CXADR: variants seen among roughly 807,000 people sequenced by gnomAD.
CXADR encodes the protein coxsackievirus and adenovirus receptor.
Under a neutral mutation model 40.3 loss-of-function variants are expected in CXADR, and 20 were observed. The observed-to-expected ratio is 0.50, with a 90% CI of 0.35 to 0.72. The LOEUF is 0.72. Ranked by LOEUF, CXADR falls within the 30% of genes least tolerant of loss-of-function variation. CXADR has a pLI of 0.01. For synonymous variants in CXADR, 150 were observed against 161.3 expected (o/e 0.93, Z 0.53); for missense variants, 332 against 449.1 (o/e 0.74, Z 2.36).
downstream of CXADR, among the ~76,000 whole-genome samples, chr21:17,595,448 CCAAA>C (rs2123425254): frequency 6.6e-6 from 1 of 152,024 alleles, no homozygotes; most frequent in African/African-American, 2.4e-5. Flanking sequence ...GCAACTGACA[CCAAA>C]CATTTTTTTA....
chr21:17,581,952 T>C (rs565188647), intron 7 of CXADR, among the ~76,000 whole-genome samples: 2 of 151,746 alleles, frequency 1.3e-5, no homozygotes, highest in East Asian at 3.9e-4. Flanking sequence ...TTTGTTTTGT[T>C]TGTTTTGACG....
At chr21:17,562,194 CAGTG>C (rs35202507) in intron 6 of CXADR, among the ~76,000 whole-genome samples, 27,351 of 152,160 alleles carry the variant, frequency 0.18, 2,570 homozygotes, top group East Asian at 0.23. Flanking sequence ...TCTGAGCCCT[CAGTG>C]AGTCTTAATC....
chr21:17,604,206 G>T, the CXADR span: 2 of 975,812 alleles, frequency 2.0e-6, no homozygotes, highest in Non-Finnish European at 2.7e-6. Flanking sequence ...GCTTTGGGAG[G>T]CCAAGGCGGG....
intron 3 of CXADR, among the ~76,000 whole-genome samples, chr21:17,557,719 A>G (rs1012180897): frequency 1.4e-5 from 2 of 147,296 alleles, no homozygotes; most frequent in Admixed American, 1.4e-4. Flanking sequence ...AAGAAAATAC[A>G]TACTGTAGTA....
rs2061046044 is a variant in CXADR, at chr21:17,557,115, A to G, written c.416-1861A>G. ...TAAAAACCCATTCACGACTGAAAAA[A>G]TGAAAATCAGCTTAAACTAAAAAAG... On this transcript the variant is annotated intron_variant, in intron 3 of 6. Coordinates refer to ENST00000284878, the MANE Select transcript of CXADR (RefSeq NM_001338.5). 4.6e-5 allele frequency among the ~76,000 whole-genome samples: 7 copies of G among 152,226 alleles called. No homozygotes were observed. In the South Asian group the frequency reaches 1.2e-3, roughly 27 times the overall value.
chr21:17,598,238 A>T (rs2061528900), downstream of CXADR, among the ~76,000 whole-genome samples: 1 of 152,196 alleles, frequency 6.6e-6, no homozygotes, highest in African/African-American at 2.4e-5. Flanking sequence ...TTTCTCTTTA[A>T]TCATGGAACG....
At chr21:17,517,020 G>C (rs987147046) in intron 1 of CXADR, among the ~76,000 whole-genome samples, 5 of 152,004 alleles carry the variant, frequency 3.3e-5, no homozygotes, top group African/African-American at 1.2e-4. Context: ...AAATACAAGA[G>C]CTTTGCCTTC....
chr21:17,523,055 G>A (rs574774528), intron 1 of CXADR, among the ~76,000 whole-genome samples: 37 of 152,210 alleles, frequency 2.4e-4, no homozygotes, highest in African/African-American at 8.9e-4. Context: ...CTGTAATCTA[G>A]GTTATACCAT....
intron 3 of CXADR, among the ~76,000 whole-genome samples, chr21:17,554,838 T>G (rs2061013846): frequency 6.6e-6 from 1 of 152,154 alleles, no homozygotes; most frequent in South Asian, 2.1e-4. Context: ...AGTGGCTCTG[T>G]CTAATGCTTT....
downstream of CXADR, chr21:17,593,926 CATATATTTTTTAAGAAAG>C: frequency 1.2e-6 from 1 of 869,568 alleles, no homozygotes; most frequent in Non-Finnish European, 1.7e-6. Flanking sequence ...ATCTAAAGTG[CATATATTTTTTAAGAAAG>C]ATTATTCTCA....
chr21:17,532,164 C>T (rs972404940), intron 1 of CXADR, among the ~76,000 whole-genome samples: 2 of 151,976 alleles, frequency 1.3e-5, no homozygotes, highest in African/African-American at 4.8e-5. Flanking sequence ...AACTCCTGGG[C>T]CTAAGCAGTC....
intron 1 of CXADR, among the ~76,000 whole-genome samples, chr21:17,530,852 T>C (rs1241225740): frequency 1.3e-5 from 2 of 152,148 alleles, no homozygotes; most frequent in Admixed American, 1.3e-4. Context: ...GACATTATCC[T>C]ACATGTGTTT....
chr21:17,530,378 G>A (rs767709586), intron 1 of CXADR: 16 of 452,778 alleles, frequency 3.5e-5, no homozygotes, highest in African/African-American at 2.0e-4. Context: ...TACTTCTCAT[G>A]TTGGTAAGAT....
chr21:17,616,931 A>G, the CXADR span, among the ~76,000 whole-genome samples: 1 of 152,232 alleles, frequency 6.6e-6, no homozygotes, highest in Non-Finnish European at 1.5e-5. Flanking sequence ...AAAATTTGCA[A>G]TCTTCATTAT....
chr21:17,574,653 C>T (rs1215425839), downstream of CXADR, among the ~76,000 whole-genome samples: 1 of 152,112 alleles, frequency 6.6e-6, no homozygotes, highest in Non-Finnish European at 1.5e-5. Context: ...AGTTTTAAGC[C>T]TTAAGGCAGA....
chr21:17,611,782 G>A, the CXADR span: 1 of 152,250 alleles, frequency 6.6e-6, no homozygotes, highest in Admixed American at 6.5e-5. Context: ...CGGCTGCGTG[G>A]ATAAAACCCA....
chr21:17,594,973 C>A (rs2061486084), downstream of CXADR, among the ~76,000 whole-genome samples: 1 of 151,298 alleles, frequency 6.6e-6, no homozygotes, highest in South Asian at 2.1e-4. Flanking sequence ...AACAAACCTT[C>A]ATGTGTATCC....
At chr21:17,515,986 G>A (rs1482954472) in intron 1 of CXADR, among the ~76,000 whole-genome samples, 1 of 152,142 alleles carries the variant, frequency 6.6e-6, no homozygotes, top group Non-Finnish European at 1.5e-5. Context: ...GACTCCTTTC[G>A]ATGCATTTTT....
intron 1 of CXADR, among the ~76,000 whole-genome samples, chr21:17,520,379 C>T (rs2060515668): frequency 6.6e-6 from 1 of 152,138 alleles, no homozygotes; most frequent in Admixed American, 6.5e-5. Context: ...CTTTGTGCAT[C>T]TGAATGATTC....
Sources: gnomAD v4.1 joint callset for allele counts (sites outside exome capture counted in the v4.1 genomes callset) on GRCh38, gnomAD v4.1.1 for gene constraint, MANE v1.5 for transcripts, NCBI Gene and HGNC (gene_info 2026-07-23, HGNC 2026-07-21) for gene names.